PIP5K1B: variants seen among roughly 807,000 people sequenced by gnomAD.
PIP5K1B encodes phosphatidylinositol 4-phosphate 5-kinase type-1 beta.
A neutral mutation model predicts 67.0 loss-of-function variants in PIP5K1B; 42 were observed. That is an observed-to-expected ratio of 0.63 (90% confidence interval 0.49 to 0.81). The LOEUF (loss-of-function observed/expected upper bound fraction) is 0.81. Among genes scored for constraint, PIP5K1B ranks in the 30% least tolerant of loss-of-function variants. PIP5K1B has a pLI of 0.00. For missense variants in PIP5K1B, 459 were observed against 646.3 expected, an observed-to-expected ratio of 0.71 and a Z score of 3.14; for synonymous variants, 214 against 231.4, an observed-to-expected ratio of 0.92 and a Z score of 0.68.
chr9:68,932,863 G>A (rs1827068236), intron 12 of PIP5K1B, among the ~76,000 whole-genome samples: 1 of 152,080 alleles, frequency 6.6e-6, no homozygotes, highest in Non-Finnish European at 1.5e-5. Flanking sequence ...CACTTTGGGA[G>A]GCCAAGGCAG....
At chr9:68,914,592 G>A (rs1033906294) in intron 8 of PIP5K1B, among the ~76,000 whole-genome samples, 14 of 152,166 alleles carry the variant, frequency 9.2e-5, no homozygotes, top group African/African-American at 1.9e-4. Context: ...GCAGGCGCCT[G>A]TAGTCCCAGC....
intron 2 of PIP5K1B, chr9:68,783,469 A>G (rs2132467843): frequency 6.0e-6 from 1 of 167,150 alleles, no homozygotes; most frequent in Non-Finnish European, 1.5e-5. Context: ...GTGTGGTTTT[A>G]AAAGTCTGCT....
intron 2 of PIP5K1B, among the ~76,000 whole-genome samples, chr9:68,761,290 G>A (rs1830170796): frequency 6.6e-6 from 1 of 152,072 alleles, no homozygotes; most frequent in African/African-American, 2.4e-5. Context: ...TAAAATTGCT[G>A]CAAAGTATTA....
chr9:68,822,069 G>C (rs561330204), intron 3 of PIP5K1B, among the ~76,000 whole-genome samples: 1 of 152,320 alleles, frequency 6.6e-6, no homozygotes, highest in East Asian at 1.9e-4. Context: ...AAGGGTAGTA[G>C]AATTGAGTAA....
chr9:68,767,779 A>G (rs968702987), intron 2 of PIP5K1B, among the ~76,000 whole-genome samples: 2 of 152,126 alleles, frequency 1.3e-5, no homozygotes, highest in Non-Finnish European at 2.9e-5. Context: ...CTAAAATTCA[A>G]CATCCACTAG....
chr9:68,906,914 C>T (rs920763279), intron 8 of PIP5K1B, among the ~76,000 whole-genome samples: 1 of 152,110 alleles, frequency 6.6e-6, no homozygotes, highest in African/African-American at 2.4e-5. Context: ...GGCTATCCAA[C>T]TTTTTTTTCT....
chr9:68,969,066 G>C (rs1218852897), intron 14 of PIP5K1B, among the ~76,000 whole-genome samples: 1 of 152,018 alleles, frequency 6.6e-6, no homozygotes, highest in Non-Finnish European at 1.5e-5. Flanking sequence ...TACCCTGATG[G>C]GTTGTTAAAA....
At chr9:68,724,885 G>A (rs1484814621) in intron 1 of PIP5K1B, among the ~76,000 whole-genome samples, 1 of 151,978 alleles carries the variant, frequency 6.6e-6, no homozygotes, top group Non-Finnish European at 1.5e-5. Context: ...TCCTCTAGAA[G>A]AATAAAGAAA....
intron 14 of PIP5K1B, among the ~76,000 whole-genome samples, chr9:68,946,957 A>T (rs910387181): frequency 6.6e-6 from 1 of 152,238 alleles, no homozygotes; most frequent in African/African-American, 2.4e-5. Flanking sequence ...TGAAATAACA[A>T]TTAGAAAGCA....
In PIP5K1B at chr9:68,919,481, TG is replaced by T; in HGVS notation, c.989del (p.Gly330GlufsTer28). On this transcript the variant is annotated frameshift_variant, in exon 10 of 16. Transcript: ENST00000265382. LOFTEE classifies it high-confidence loss of function. ...TTTCTCTTTTGCTCCATCAACAGAA[TG>T]GGAGGCATTCCAGCTAAAAGCCATA... ...DGIITENPDT[M>X]GGIPAKSHRG... 6.5e-7 allele frequency: 1 copy of T among 1,532,572 alleles called. No homozygotes were observed. The highest frequency in any genetic ancestry group is 9.0e-7 in the Non-Finnish European group (1 of 1,116,674). 94.9% of individuals were successfully genotyped at this position (1,532,572 alleles called of 1,614,324 possible). A position where few individuals can be genotyped will look rare whatever the true frequency, so the allele number is the denominator to read the frequency against.
At chr9:68,941,243 A>G (rs1827546970) in intron 14 of PIP5K1B, 1 of 382,222 alleles carries the variant, frequency 2.6e-6, no homozygotes, top group Admixed American at 3.6e-5. Flanking sequence ...ACCTGTGAAT[A>G]TGTTACCTTA....
chr9:69,002,400 G>A (rs1370976805), intron 15 of PIP5K1B, among the ~76,000 whole-genome samples: 1 of 152,136 alleles, frequency 6.6e-6, no homozygotes, highest in East Asian at 1.9e-4. Flanking sequence ...CCATAGCACT[G>A]TGATTTTCTT....
Position 68,907,919 on chromosome 9 carries a change from T to C in PIP5K1B, c.772-9629T>C, listed in dbSNP as rs117126451. ...CAGATTCTTCCATTCTTCTTCTCTT[T>C]CTTTGTCCATAGAGTAATATGAAAG... is the stretch of plus-strand genomic sequence containing the variant. On this transcript the variant is annotated intron_variant, in intron 8 of 15. Transcript: ENST00000265382. Among the ~76,000 whole-genome samples the C allele has an allele frequency of 2.9e-4, 44 of 152,364 alleles. No homozygotes were observed. In the East Asian group the frequency reaches 8.5e-3, roughly 29 times the overall value.
intron 2 of PIP5K1B, among the ~76,000 whole-genome samples, chr9:68,743,115 C>T (rs1157407247): frequency 6.6e-6 from 1 of 152,142 alleles, no homozygotes; most frequent in Non-Finnish European, 1.5e-5. Flanking sequence ...AACATAGTCC[C>T]TGCTTCAAGG....
In PIP5K1B at chr9:68,945,256, C is replaced by T. The variant is rs148667085; in HGVS notation, c.1502+4466C>T. Among the ~76,000 whole-genome samples the T allele has an allele frequency of 4.0e-3, 615 of 152,222 alleles. 1 individual carries two copies. Among genetic ancestry groups the T allele is most frequent in the Non-Finnish European group, 6.6e-3 (447 of 68,012 alleles). ...CGCCTCCAGGGTACAAGTGATTCCC[C>T]TGCCACAGCCTCCTGAGTAGCTGGG... On this transcript the variant is annotated intron_variant, in intron 14 of 15. Transcript: ENST00000265382.
intron 2 of PIP5K1B, among the ~76,000 whole-genome samples, chr9:68,808,393 C>T (rs1242343075): frequency 1.3e-5 from 2 of 152,080 alleles, no homozygotes; most frequent in African/African-American, 2.4e-5. Context: ...TTACTCCCCC[C>T]GACTCCCAGC....
At chr9:68,904,739 T>G (rs1394561473) in intron 8 of PIP5K1B, among the ~76,000 whole-genome samples, 1 of 143,710 alleles carries the variant, frequency 7.0e-6, no homozygotes, top group Non-Finnish European at 1.5e-5. Flanking sequence ...ACGGAAGGAT[T>G]ATCAAGTCAG....
chr9:68,792,049 C>G (rs554535069), intron 2 of PIP5K1B, among the ~76,000 whole-genome samples: 4 of 152,330 alleles, frequency 2.6e-5, no homozygotes, highest in Admixed American at 6.5e-5. Flanking sequence ...GTTCAAGGGG[C>G]ACATCTTTCC....
At chr9:68,860,565 C>T (rs113131815) in intron 4 of PIP5K1B, among the ~76,000 whole-genome samples, 18 of 152,286 alleles carry the variant, frequency 1.2e-4, no homozygotes, top group African/African-American at 3.8e-4. Context: ...TTGTTGAGGT[C>T]AAACATTCAT....
Sources: gnomAD v4.1 joint callset for allele counts (sites outside exome capture counted in the v4.1 genomes callset) on GRCh38, gnomAD v4.1.1 for gene constraint, MANE v1.5 for transcripts, NCBI Gene and HGNC (gene_info 2026-07-23, HGNC 2026-07-21) for gene names.